SASH1: variants seen among roughly 807,000 people sequenced by gnomAD.
SASH1 encodes SAM and SH3 domain-containing protein 1.
In SASH1, 44 loss-of-function variants were observed where a neutral mutation model predicts 125.2. The observed-to-expected ratio is 0.35, with a 90% CI of 0.28 to 0.45. SASH1 has a LOEUF of 0.45. Among genes scored for constraint, SASH1 ranks in the 20% least tolerant of loss-of-function variants. SASH1 has a pLI of 1.00. For synonymous variants in SASH1, 639 were observed against 649.1 expected (o/e 0.98, Z 0.24); for missense variants, 1,426 against 1,614.5 (o/e 0.88, Z 2.00).
At chr6:148,336,757 G>A (rs1268878311) in intron 1 of SASH1, among the ~76,000 whole-genome samples, 1 of 152,178 alleles carries the variant, frequency 6.6e-6, no homozygotes, top group African/African-American at 2.4e-5. Context: ...ACCTCTGATT[G>A]GTTGAGCTTA....
At chr6:148,508,068 T>C (rs569745041) in intron 8 of SASH1, among the ~76,000 whole-genome samples, 2 of 152,312 alleles carry the variant, frequency 1.3e-5, no homozygotes, top group East Asian at 3.9e-4. Flanking sequence ...TGCTCACGTT[T>C]CTAGAATGCA....
chr6:148,269,545 C>T (rs1779015321), upstream of SASH1, among the ~76,000 whole-genome samples: 1 of 152,210 alleles, frequency 6.6e-6, no homozygotes, highest in African/African-American at 2.4e-5. Flanking sequence ...AGCCACCACC[C>T]CCAACTAGTT....
chr6:148,448,355 C>T (rs1354047633), intron 4 of SASH1, among the ~76,000 whole-genome samples: 1 of 151,962 alleles, frequency 6.6e-6, no homozygotes, highest in Non-Finnish European at 1.5e-5. Context: ...TCTCTCTTTC[C>T]CTAGTTGCTA....
At chr6:148,332,032 T>C (rs1359710000) in intron 1 of SASH1, among the ~76,000 whole-genome samples, 1 of 152,140 alleles carries the variant, frequency 6.6e-6, no homozygotes, top group Non-Finnish European at 1.5e-5. Context: ...TTTGTTTATT[T>C]CCCTTCTCTC....
At chr6:148,197,846 G>T in the SASH1 span, among the ~76,000 whole-genome samples, 2 of 151,880 alleles carry the variant, frequency 1.3e-5, no homozygotes, top group East Asian at 3.9e-4. Flanking sequence ...AGATCTGGTG[G>T]GTTTTGTTTT....
intron 1 of SASH1, among the ~76,000 whole-genome samples, chr6:148,293,653 T>A (rs1779692633): frequency 6.6e-6 from 1 of 152,150 alleles, no homozygotes; most frequent in Admixed American, 6.5e-5. Flanking sequence ...ACGCCACTGA[T>A]GCCAGGATCT....
chr6:148,449,078 C>CTTTTTTTTTTTTTTTTTTTTTT, intron 4 of SASH1, among the ~76,000 whole-genome samples: 44 of 88,680 alleles, frequency 5.0e-4, no homozygotes, highest in African/African-American at 8.2e-4. Context: ...CATTTCATTT[C>CTTTTTTTTTTTTTTTTTTTTTT]TTTTTTTTTT....
chr6:148,520,701 G>A (rs1780757662), intron 10 of SASH1, among the ~76,000 whole-genome samples: 2 of 152,052 alleles, frequency 1.3e-5, no homozygotes, highest in South Asian at 2.1e-4. Context: ...CTTGATTCTC[G>A]GCCATTATGT....
chr6:148,345,381 G>A (rs1351655665), intron 1 of SASH1, among the ~76,000 whole-genome samples: 1 of 152,230 alleles, frequency 6.6e-6, no homozygotes, highest in East Asian at 1.9e-4. Flanking sequence ...TGAAAGGGCA[G>A]ATGCAGGAGC....
At chr6:148,402,106 C>G (rs1471775835) in intron 2 of SASH1, among the ~76,000 whole-genome samples, 1 of 152,104 alleles carries the variant, frequency 6.6e-6, no homozygotes, top group Admixed American at 6.5e-5. Context: ...TTTGATGAAT[C>G]TTTTCAATGC....
intron 1 of SASH1, among the ~76,000 whole-genome samples, chr6:148,305,437 A>C (rs1286418916): frequency 6.6e-6 from 1 of 152,148 alleles, no homozygotes; most frequent in Non-Finnish European, 1.5e-5. Flanking sequence ...AGCCTGGTCA[A>C]TACGGTGAAA....
At chr6:148,424,029 C>T (rs1300348216) in intron 2 of SASH1, among the ~76,000 whole-genome samples, 1 of 151,750 alleles carries the variant, frequency 6.6e-6, no homozygotes, top group Non-Finnish European at 1.5e-5. Context: ...AAAAAATCCC[C>T]ATCCCAGACA....
the SASH1 span, among the ~76,000 whole-genome samples, chr6:148,205,276 C>T: frequency 6.6e-6 from 1 of 152,160 alleles, no homozygotes. Flanking sequence ...GGTTCTTATA[C>T]CTCTGTCGTC....
chr6:148,539,669 C>A (rs1488878416), intron 16 of SASH1, among the ~76,000 whole-genome samples: 1 of 152,160 alleles, frequency 6.6e-6, no homozygotes, highest in African/African-American at 2.4e-5. Context: ...TACTCAGCTT[C>A]CAAGTTCGAG....
chr6:148,343,830 A>C (rs1781427902), intron 1 of SASH1, among the ~76,000 whole-genome samples: 1 of 152,328 alleles, frequency 6.6e-6, no homozygotes, highest in East Asian at 1.9e-4. Context: ...TCTGGGAAGC[A>C]GTTCTTCTGT....
At chr6:148,393,276 T>A (rs1001224976) in intron 2 of SASH1, among the ~76,000 whole-genome samples, 1 of 151,118 alleles carries the variant, frequency 6.6e-6, no homozygotes, top group Admixed American at 6.6e-5. Context: ...GTCAGGCTGG[T>A]CTCAAACTCC....
chr6:148,505,383 G>A (rs1196680883), intron 8 of SASH1, among the ~76,000 whole-genome samples: 5 of 152,036 alleles, frequency 3.3e-5, no homozygotes, highest in East Asian at 3.9e-4. Context: ...GCACGATTTC[G>A]GCTCAGTGCA....
chr6:148,349,348 C>T (rs949249230), intron 1 of SASH1, among the ~76,000 whole-genome samples: 23 of 138,852 alleles, frequency 1.7e-4, no homozygotes, highest in Admixed American at 1.6e-4. Flanking sequence ...CTGCAACCCT[C>T]AACCTTCCAG....
intron 1 of SASH1, among the ~76,000 whole-genome samples, chr6:148,308,099 C>T (rs1022401402): frequency 6.6e-6 from 1 of 152,092 alleles, no homozygotes; most frequent in African/African-American, 2.4e-5. Context: ...TCTCTGGATC[C>T]ATCTTTTTCT....
Sources: allele counts gnomAD v4.1 joint callset (sites outside exome capture counted in the v4.1 genomes callset), GRCh38; gene constraint gnomAD v4.1.1; transcripts MANE v1.5; gene names NCBI Gene and HGNC (gene_info 2026-07-23, HGNC 2026-07-21).